PRSS23: variants seen among roughly 807,000 people sequenced by gnomAD.
The protein encoded by PRSS23 is protease, serine 23.
A neutral mutation model predicts 34.7 loss-of-function variants in PRSS23; 25 were observed. The observed-to-expected ratio is 0.72, with a 90% CI of 0.53 to 1.01. The LOEUF is 1.01. Ranked by LOEUF, PRSS23 falls within the 50% of genes least tolerant of loss-of-function variation. PRSS23 has a pLI of 0.00. For missense variants in PRSS23, 445 were observed against 475.6 expected (o/e 0.94, Z 0.60); for synonymous variants, 176 against 186.6 (o/e 0.94, Z 0.46).
At chr11:86,848,512 T>C (rs932009221) in intron 2 of PRSS23, among the ~76,000 whole-genome samples, 1 of 152,172 alleles carries the variant, frequency 6.6e-6, no homozygotes, top group Non-Finnish European at 1.5e-5. Flanking sequence ...AACTACTCAA[T>C]GCTATCCACC....
chr11:86,818,393 C>G (rs1165578676), intron 1 of PRSS23, among the ~76,000 whole-genome samples: 1 of 152,130 alleles, frequency 6.6e-6, no homozygotes. Context: ...TTAAGACACA[C>G]TATTGTTTCA....
chr11:86,877,683 G>A (rs1330936116), intron 2 of PRSS23, among the ~76,000 whole-genome samples: 1 of 152,042 alleles, frequency 6.6e-6, no homozygotes, highest in Non-Finnish European at 1.5e-5. Flanking sequence ...TATTCCATCT[G>A]TCTTTATGTC....
chr11:86,929,801 C>T (rs991088956), intron 2 of PRSS23, among the ~76,000 whole-genome samples: 1 of 152,028 alleles, frequency 6.6e-6, no homozygotes, highest in African/African-American at 2.4e-5. Context: ...ATTAAATGGC[C>T]ATCAGCACAG....
intron 2 of PRSS23, among the ~76,000 whole-genome samples, chr11:86,896,720 G>A (rs934529325): frequency 2.6e-5 from 4 of 152,206 alleles, no homozygotes; most frequent in Non-Finnish European, 5.9e-5. Flanking sequence ...CTTACACAAG[G>A]ATTGAGAAGA....
intron 2 of PRSS23, among the ~76,000 whole-genome samples, chr11:86,849,220 A>G (rs200351745): frequency 3.9e-5 from 6 of 152,188 alleles, no homozygotes; most frequent in Non-Finnish European, 8.8e-5. Flanking sequence ...CTCAAAGTCC[A>G]TTACTATCTG....
intron 2 of PRSS23, chr11:86,911,467 C>A (rs1948977625): frequency 6.6e-6 from 1 of 152,072 alleles, no homozygotes; most frequent in Admixed American, 6.6e-5. Context: ...CAACCCTGGC[C>A]TCCTTCCATC....
intron 2 of PRSS23, among the ~76,000 whole-genome samples, chr11:86,827,225 G>T (rs948567011): frequency 1.3e-5 from 2 of 152,112 alleles, no homozygotes; most frequent in African/African-American, 4.8e-5. Context: ...GTCTTGGGAG[G>T]GTGTATGCAT....
At chr11:86,873,060 C>T (rs1323388278) in intron 2 of PRSS23, among the ~76,000 whole-genome samples, 1 of 151,974 alleles carries the variant, frequency 6.6e-6, no homozygotes, top group Non-Finnish European at 1.5e-5. Context: ...TGATCCTCCA[C>T]TGTATTTCAG....
intron 2 of PRSS23, among the ~76,000 whole-genome samples, chr11:86,873,239 C>T (rs1335910432): frequency 1.0e-5 from 1 of 97,778 alleles, no homozygotes; most frequent in Non-Finnish European, 2.0e-5. Flanking sequence ...TATATATACA[C>T]ACACACACAT....
intron 2 of PRSS23, among the ~76,000 whole-genome samples, chr11:86,902,296 T>G (rs1948916686): frequency 6.6e-6 from 1 of 152,210 alleles, no homozygotes; most frequent in East Asian, 1.9e-4. Flanking sequence ...CTATTTAGAC[T>G]CAGCATGTCT....
At chr11:86,902,753 C>T (rs1489910437) in intron 2 of PRSS23, among the ~76,000 whole-genome samples, 2 of 152,322 alleles carry the variant, frequency 1.3e-5, no homozygotes, top group East Asian at 1.9e-4. Flanking sequence ...TTTCTGCTCT[C>T]TGCTAATTCC....
downstream of PRSS23, among the ~76,000 whole-genome samples, chr11:86,814,358 G>T (rs1432995639): frequency 6.8e-6 from 1 of 146,974 alleles, no homozygotes; most frequent in Non-Finnish European, 1.5e-5. Context: ...AGAAGAGAAG[G>T]AGGAAGAGGA....
chr11:86,888,842 A>G (rs1319400280), intron 2 of PRSS23, among the ~76,000 whole-genome samples: 7 of 152,244 alleles, frequency 4.6e-5, no homozygotes, highest in Admixed American at 3.3e-4. Flanking sequence ...GGAGGATCCA[A>G]CTGAATTGCT....
chr11:86,850,781 A>G (rs1025356318), intron 2 of PRSS23, among the ~76,000 whole-genome samples: 3 of 152,200 alleles, frequency 2.0e-5, no homozygotes, highest in African/African-American at 7.2e-5. Flanking sequence ...CTCCTTTGCC[A>G]TGCTGCTACA....
chr11:86,843,134 G>T lies in PRSS23; in HGVS notation c.206+19541G>T, dbSNP rs181798327. ...TAACACCACTCATCTACAACCATCT[G>T]ATCTTTGACAAATCTGACAAAAATA... is the stretch of plus-strand genomic sequence containing the variant. On this transcript the variant is annotated intron_variant, in intron 2 of 2. Coordinates refer to the PRSS23 transcript ENST00000533902. Among the ~76,000 whole-genome samples, 203 of 152,264 alleles carry T rather than the reference G, an allele frequency of 1.3e-3. 1 individual carries two copies. The highest frequency in any genetic ancestry group is 4.6e-3 in the African/African-American group (190 of 41,560).
At chr11:86,940,664 A>G (rs191869859) in intron 2 of PRSS23, 8 of 152,274 alleles carry the variant, frequency 5.3e-5, no homozygotes, top group African/African-American at 1.4e-4. Flanking sequence ...GCCTTTCATA[A>G]CTTGGCCTCA....
chr11:86,952,037 G>T (rs971356485), exon 3 of PRSS23: 20 of 1,614,080 alleles, frequency 1.2e-5, no homozygotes, highest in Non-Finnish European at 1.7e-5. Flanking sequence ...GATCAGGAAG[G>T]TCAGTACTGT....
intron 2 of PRSS23, chr11:86,949,375 C>G (rs1312213168): frequency 6.6e-6 from 1 of 150,800 alleles, no homozygotes; most frequent in Non-Finnish European, 1.5e-5. Context: ...AATTTTGAGT[C>G]CCTGGAAATG....
intron 2 of PRSS23, among the ~76,000 whole-genome samples, chr11:86,827,988 G>C (rs908118471): frequency 3.3e-5 from 5 of 152,174 alleles, no homozygotes; most frequent in Admixed American, 2.0e-4. Flanking sequence ...GGGGTGGAGA[G>C]TTCTGTAGAT....
Sources: allele counts gnomAD v4.1 joint callset (sites outside exome capture counted in the v4.1 genomes callset), GRCh38; gene constraint gnomAD v4.1.1; transcripts MANE v1.5; gene names NCBI Gene and HGNC (gene_info 2026-07-23, HGNC 2026-07-21).